The following ST6GALNAC3 variants were observed in gnomAD, a reference collection of about 807,000 sequenced individuals.
The protein encoded by ST6GALNAC3 is ST6 N-acetylgalactosaminide alpha-2,6-sialyltransferase 3, also known as alpha-N-acetylgalactosaminide alpha-2,6-sialyltransferase 3.
Under a neutral mutation model 32.7 loss-of-function variants are expected in ST6GALNAC3, and 25 were observed. The observed-to-expected ratio is 0.76, with a 90% confidence interval of 0.56 to 1.07. The LOEUF (loss-of-function observed/expected upper bound fraction) is 1.07. ST6GALNAC3 is among the 50% of genes least tolerant of loss of function. ST6GALNAC3 has a pLI of 0.00. For synonymous variants in ST6GALNAC3, 129 were observed against 133.1 expected, an observed-to-expected ratio of 0.97 and a Z score of 0.21; for missense variants, 355 against 382.4, an observed-to-expected ratio of 0.93 and a Z score of 0.60.
At chr1:76,553,565 T>A (rs1227065922) in intron 3 of ST6GALNAC3, among the ~76,000 whole-genome samples, 1 of 152,108 alleles carries the variant, frequency 6.6e-6, no homozygotes, top group Non-Finnish European at 1.5e-5. Flanking sequence ...GTCCTGCTTG[T>A]GAGCTGCAAG....
intron 2 of ST6GALNAC3, among the ~76,000 whole-genome samples, chr1:76,341,752 C>T (rs1044817734): frequency 6.7e-6 from 1 of 149,700 alleles, no homozygotes; most frequent in Admixed American, 6.7e-5. Context: ...GATACTTGTA[C>T]AGAATGTGCA....
At chr1:76,506,554 A>G (rs60652575) in intron 3 of ST6GALNAC3, among the ~76,000 whole-genome samples, 7,309 of 152,256 alleles carry the variant, frequency 0.048, 563 homozygotes, top group African/African-American at 0.17. Context: ...AAAAATATCA[A>G]GTAATTACTG....
At chr1:76,579,649 A>T (rs910495175) in intron 3 of ST6GALNAC3, among the ~76,000 whole-genome samples, 2 of 152,026 alleles carry the variant, frequency 1.3e-5, no homozygotes, top group African/African-American at 4.8e-5. Flanking sequence ...TCATTTGTCA[A>T]ACTGCAAGGG....
At chr1:76,471,350 C>T (rs1346666432) in intron 3 of ST6GALNAC3, among the ~76,000 whole-genome samples, 1 of 152,106 alleles carries the variant, frequency 6.6e-6, no homozygotes, top group Non-Finnish European at 1.5e-5. Flanking sequence ...GTTTGTTTAA[C>T]AAGTAGTGCC....
intron 3 of ST6GALNAC3, among the ~76,000 whole-genome samples, chr1:76,470,771 G>T (rs1370748659): frequency 6.6e-6 from 1 of 152,048 alleles, no homozygotes; most frequent in African/African-American, 2.4e-5. Context: ...GAATACCTGG[G>T]TCACAGTTCT....
intron 3 of ST6GALNAC3, among the ~76,000 whole-genome samples, chr1:76,480,859 C>A (rs759712907): frequency 3.3e-5 from 5 of 152,086 alleles, no homozygotes; most frequent in Non-Finnish European, 7.4e-5. Context: ...ATGGGCTAGA[C>A]TCTCCTCTGA....
intron 3 of ST6GALNAC3, among the ~76,000 whole-genome samples, chr1:76,574,309 A>G (rs1402520908): frequency 1.3e-5 from 2 of 152,060 alleles, no homozygotes; most frequent in African/African-American, 2.4e-5. Flanking sequence ...TAGATATTTT[A>G]TAGCCTTTTG....
intron 2 of ST6GALNAC3, among the ~76,000 whole-genome samples, chr1:76,340,702 A>G (rs879325036): frequency 3.3e-5 from 5 of 152,206 alleles, no homozygotes; most frequent in Middle Eastern, 3.4e-3. Flanking sequence ...AAATACTAAA[A>G]TGTTGCACAT....
At chr1:76,164,577 G>A (rs916316883) in intron 1 of ST6GALNAC3, among the ~76,000 whole-genome samples, 6 of 152,152 alleles carry the variant, frequency 3.9e-5, no homozygotes, top group Non-Finnish European at 8.8e-5. Flanking sequence ...ATTAAATATT[G>A]TTAGTCCAGT....
At chr1:76,416,755 G>T (rs751357836) in intron 3 of ST6GALNAC3, among the ~76,000 whole-genome samples, 1 of 150,890 alleles carries the variant, frequency 6.6e-6, no homozygotes, top group South Asian at 2.1e-4. Flanking sequence ...AGCCTCCTGA[G>T]TAGCTGGGAC....
chr1:76,418,173 G>A (rs1415086514), intron 3 of ST6GALNAC3, among the ~76,000 whole-genome samples: 1 of 152,122 alleles, frequency 6.6e-6, no homozygotes, highest in Non-Finnish European at 1.5e-5. Context: ...TGCTATTTCA[G>A]CTTGGCCATT....
intron 3 of ST6GALNAC3, among the ~76,000 whole-genome samples, chr1:76,585,256 C>T (rs574452532): frequency 3.9e-4 from 60 of 152,032 alleles, no homozygotes; most frequent in Non-Finnish European, 5.7e-4. Flanking sequence ...CATGGTGGCA[C>T]GCACCTGTCA....
At chr1:76,293,138 G>T (rs1260462119) in intron 1 of ST6GALNAC3, among the ~76,000 whole-genome samples, 3 of 152,056 alleles carry the variant, frequency 2.0e-5, no homozygotes, top group Non-Finnish European at 4.4e-5. Flanking sequence ...TCTTTTATTG[G>T]AGTCATGTTT....
intron 1 of ST6GALNAC3, among the ~76,000 whole-genome samples, chr1:76,160,392 G>A (rs997282603): frequency 1.3e-5 from 2 of 152,294 alleles, no homozygotes; most frequent in Non-Finnish European, 2.9e-5. Flanking sequence ...TCATTTGAAA[G>A]CCAGGAGGGC....
At chr1:76,320,465 C>G (rs1047668245) in intron 2 of ST6GALNAC3, among the ~76,000 whole-genome samples, 13 of 152,006 alleles carry the variant, frequency 8.6e-5, no homozygotes, top group African/African-American at 2.4e-5. Flanking sequence ...TGTAGGGGGT[C>G]ACTTCTAATA....
chr1:76,364,976 G>GT (rs1437782892), intron 2 of ST6GALNAC3, among the ~76,000 whole-genome samples: 1 of 152,076 alleles, frequency 6.6e-6, no homozygotes. Flanking sequence ...CCACTATTGG[G>GT]TATACAGCCA....
chr1:76,121,092 G>A (rs192593406), intron 1 of ST6GALNAC3, among the ~76,000 whole-genome samples: 4 of 152,126 alleles, frequency 2.6e-5, no homozygotes, highest in Admixed American at 2.0e-4. Flanking sequence ...ATTACAATGA[G>A]GTTCACCTAG....
In ST6GALNAC3 at chr1:76,629,748, A is replaced by T; in HGVS notation, c.*942A>T. ...TTAAAATCATGAAATAGAGACAGCA[A>T]AGCATATTTTTACATCAATTTGTAT... On this transcript the variant is annotated 3_prime_UTR_variant, in exon 5 of 5. Transcript: ENST00000328299. 1.0e-6 allele frequency: 1 copy of T among 980,382 alleles called. No homozygotes were observed. Among genetic ancestry groups the T allele is most frequent in the East Asian group, 1.1e-4 (1 of 8,774 alleles). The allele number at this position is 980,382 out of a possible 1,614,324, so 60.7% of individuals were successfully genotyped here.
chr1:76,148,743 T>C (rs1333563413), intron 1 of ST6GALNAC3, among the ~76,000 whole-genome samples: 1 of 152,162 alleles, frequency 6.6e-6, no homozygotes, highest in Non-Finnish European at 1.5e-5. Flanking sequence ...GACAGTAACT[T>C]TTCTCTCTTT....
Sources: allele counts gnomAD v4.1 joint callset (sites outside exome capture counted in the v4.1 genomes callset), GRCh38; gene constraint gnomAD v4.1.1; transcripts MANE v1.5; gene names NCBI Gene and HGNC (gene_info 2026-07-23, HGNC 2026-07-21).